THSD7A: variants seen among roughly 807,000 people sequenced by gnomAD.
THSD7A encodes the protein thrombospondin type 1 domain containing 7A.
THSD7A carries 96 observed loss-of-function variants against 231.3 expected under a neutral mutation model. The ratio of observed to expected loss-of-function variants is 0.41; its 90% CI spans 0.35 to 0.49. THSD7A has a LOEUF of 0.49. THSD7A is among the 20% of genes least tolerant of loss of function. The pLI is 0.05. For missense variants in THSD7A, 2,290 were observed against 2,070.2 expected (o/e 1.11, Z -2.06); for synonymous variants, 940 against 743.3 (o/e 1.26, Z -4.30).
At chr7:11,539,160 C>T (rs1252874030) in intron 6 of THSD7A, among the ~76,000 whole-genome samples, 1 of 152,122 alleles carries the variant, frequency 6.6e-6, no homozygotes, top group Non-Finnish European at 1.5e-5. Flanking sequence ...GGTGCAGCTG[C>T]TAAACACTTA....
chr7:11,636,293 G>T lies in THSD7A; in HGVS notation c.859C>A (p.Arg287Ser). The T allele has an allele frequency of 2.5e-6, 4 of 1,613,748 alleles. No individual in the cohort carries two copies. The highest frequency in any genetic ancestry group is 2.7e-5 in the African/African-American group (2 of 74,964). Residue 287 changes from arginine (R) to serine (S), a missense_variant, in exon 2 of 28, where the codon CGC (arginine) becomes AGC (serine). Arg to Ser is a moderately radical substitution (Grantham distance 110). Coordinates refer to ENST00000423059, the MANE Select transcript of THSD7A (RefSeq NM_015204.3). The surrounding 1 kb of genome is among the most constrained non-coding windows in gnomAD (Gnocchi z 10.0). ...RGKNKEREKD[R>S]SKGVKDPEAR... ...TCTGGATCCTTTACTCCTTTGCTGCGGTCCTTTTCCCGTTCTTTATTCTTC... is the reference window on the plus strand; with the variant it reads ...TCTGGATCCTTTACTCCTTTGCTGCTGTCCTTTTCCCGTTCTTTATTCTTC...
chr7:11,677,829 T>C (rs1363613600), intron 1 of THSD7A, among the ~76,000 whole-genome samples: 3 of 151,998 alleles, frequency 2.0e-5, no homozygotes, highest in Non-Finnish European at 4.4e-5. Flanking sequence ...TGAACTCAGC[T>C]CTGGACCAAG....
At chr7:11,682,464 A>G (rs959859154) in intron 1 of THSD7A, among the ~76,000 whole-genome samples, 5 of 152,166 alleles carry the variant, frequency 3.3e-5, no homozygotes, top group African/African-American at 1.2e-4. Flanking sequence ...CCTGTATCAG[A>G]TAAAACAGTC....
At chr7:11,424,938 C>A (rs1204604798) in intron 15 of THSD7A, 109 bp from the exon 16 acceptor site, 16 of 1,298,334 alleles carry the variant, frequency 1.2e-5, no homozygotes, top group Non-Finnish European at 5.4e-6. Context: ...TTTCACTCCC[C>A]TCCTTTACTG....
Position 11,831,728 on chromosome 7 carries a change from T to TG in THSD7A, c.190+28dup. ...CTTAATGTGGCCCCAGATGTGAAGA[T>TG]GGGGAAAGGGTAACTCCGTCCCACT... On this transcript the variant is annotated intron_variant, in intron 1 of 27. Coordinates refer to ENST00000423059, the MANE Select transcript of THSD7A (RefSeq NM_015204.3). The surrounding 1 kb of genome is among the most constrained non-coding windows in gnomAD (Gnocchi z 5.0). 1 of 1,373,944 alleles carries TG rather than the reference T, an allele frequency of 7.3e-7. No homozygotes were observed. Among genetic ancestry groups the TG allele is most frequent in the Non-Finnish European group, 9.5e-7 (1 of 1,055,914 alleles). The allele number at this position is 1,373,944 out of a possible 1,614,324, so 85.1% of individuals were successfully genotyped here. A position where few individuals can be genotyped will look rare whatever the true frequency, so the allele number is the denominator to read the frequency against.
At position 11,388,162 on chromosome 7, in the gene THSD7A, C is replaced by CT. The variant is rs924375268; in HGVS notation, c.4412-5547dup. Among the ~76,000 whole-genome samples, 135 of 142,494 alleles carry CT rather than the reference C, an allele frequency of 9.5e-4. 1 individual carries two copies. Among genetic ancestry groups the CT allele is most frequent in the East Asian group, 3.9e-3 (19 of 4,886 alleles). 93.5% of individuals were successfully genotyped at this position (142,494 alleles called of 152,430 possible). A position where few individuals can be genotyped will look rare whatever the true frequency, so the allele number is the denominator to read the frequency against. On this transcript the variant is annotated intron_variant, in intron 23 of 27. Transcript: ENST00000423059. ...ATCAGGGATATTGGCCTGAAATTTTCTTTTTTTTTTTGTTGTGTCTTGGTA... is the reference window on the plus strand; with the variant it reads ...ATCAGGGATATTGGCCTGAAATTTTCTTTTTTTTTTTTGTTGTGTCTTGGTA...
chr7:11,761,647 T>C (rs185988275), intron 1 of THSD7A, among the ~76,000 whole-genome samples: 97 of 152,298 alleles, frequency 6.4e-4, no homozygotes, highest in Middle Eastern at 6.8e-3. Flanking sequence ...TGCAAATACC[T>C]TCCAAGTGAC....
At chr7:11,778,499 T>C (rs533287586) in intron 1 of THSD7A, among the ~76,000 whole-genome samples, 3 of 152,284 alleles carry the variant, frequency 2.0e-5, no homozygotes, top group African/African-American at 7.2e-5. Flanking sequence ...TAGTCTCTAG[T>C]TTTTGAAATC....
At chr7:11,473,870 C>T (rs866485976) in intron 8 of THSD7A, among the ~76,000 whole-genome samples, 7 of 152,000 alleles carry the variant, frequency 4.6e-5, no homozygotes, top group South Asian at 4.1e-4. Context: ...AAGTATGCTT[C>T]GGTATTTTTG....
At position 11,737,006 on chromosome 7, in the gene THSD7A, C is replaced by T. The variant is rs115383891; in HGVS notation, c.190+94751G>A. Among the ~76,000 whole-genome samples, 1,175 of 152,088 alleles carry T rather than the reference C, an allele frequency of 7.7e-3. 20 individuals are homozygous for T. The highest frequency in any genetic ancestry group is 0.026 in the African/African-American group (1,099 of 41,532). ...CTCATTCTTCTCTCTTCTGCTGCCA[C>T]GTGAAGAAGGACATGTTTGCTTTCC... On this transcript the variant is annotated intron_variant, in intron 1 of 27. Transcript: ENST00000423059.
chr7:11,508,154 G>C (rs1234024727), intron 6 of THSD7A, among the ~76,000 whole-genome samples: 2 of 152,110 alleles, frequency 1.3e-5, no homozygotes, highest in Non-Finnish European at 2.9e-5. Context: ...CTCCCACCAG[G>C]TCCCTCCCTG....
chr7:11,410,705 T>C (rs184837015), intron 19 of THSD7A, among the ~76,000 whole-genome samples: 4 of 152,240 alleles, frequency 2.6e-5, no homozygotes, highest in Non-Finnish European at 5.9e-5. Context: ...ATGGCTGACT[T>C]CATTCCTCTG....
chr7:11,449,801 G>T (rs914423791), intron 11 of THSD7A, among the ~76,000 whole-genome samples: 4 of 151,906 alleles, frequency 2.6e-5, no homozygotes, highest in Non-Finnish European at 5.9e-5. Context: ...ATGGTTCATG[G>T]ACAAAGTTGC....
At chr7:11,506,947 T>A (rs1457788699) in intron 6 of THSD7A, among the ~76,000 whole-genome samples, 1 of 152,220 alleles carries the variant, frequency 6.6e-6, no homozygotes, top group Admixed American at 6.5e-5. Flanking sequence ...TGTGTGTTTA[T>A]TTTCTGTCTC....
chr7:11,375,476 G>A lies in THSD7A; in HGVS notation c.*318C>T. The stretch of plus-strand genomic sequence containing the variant: ...GGTCTTGTATCAGGCATCCTAACTG[G>A]CCAATTCCACCATTATTTTTTAGAG... On this transcript the variant is annotated 3_prime_UTR_variant, in exon 28 of 28. Transcript: ENST00000423059. 4.7e-6 allele frequency: 1 copy of A among 213,596 alleles called. No homozygotes were observed. The highest frequency in any genetic ancestry group is 9.3e-6 in the Non-Finnish European group (1 of 107,820). The allele number at this position is 213,596 out of a possible 1,614,324, so 13.2% of individuals were successfully genotyped here.
intron 1 of THSD7A, among the ~76,000 whole-genome samples, chr7:11,705,817 C>A (rs1031708347): frequency 3.3e-5 from 5 of 150,896 alleles, no homozygotes; most frequent in Admixed American, 2.0e-4. Context: ...TTCAAAAATT[C>A]TATTTTCCAT....
At chr7:11,553,030 C>G (rs1055745410) in intron 4 of THSD7A, among the ~76,000 whole-genome samples, 2 of 152,000 alleles carry the variant, frequency 1.3e-5, no homozygotes, top group African/African-American at 2.4e-5. Context: ...AATCTCCACT[C>G]CAAAACTCTG....
rs1784624817 is a variant in THSD7A at position 11,814,609 on chromosome 7, C to T, written c.190+17148G>A. On this transcript the variant is annotated intron_variant, in intron 1 of 27. Coordinates refer to ENST00000423059, the MANE Select transcript of THSD7A (RefSeq NM_015204.3). This position sits in a 1 kb window ranked among gnomAD's most constrained non-coding sequence, Gnocchi z 5.1. ...TCTGCTTCATAGTATTTATTCTCTT[C>T]TTGTGGAACTTGCACAGCTGAAGCA... Among the ~76,000 whole-genome samples, 1 of 152,128 alleles carries T rather than the reference C, an allele frequency of 6.6e-6. No individual in the cohort carries two copies. Among genetic ancestry groups the T allele is most frequent in the Admixed American group, 6.6e-5 (1 of 15,262 alleles).
Position 11,406,493 on chromosome 7 carries a change from T to C in THSD7A, c.4063-19A>G, listed in dbSNP as rs1783586995. Reference sequence around the variant, plus strand: ...GGGCCTCCTGGAATGGAGGAAGAAATAACTAATTAGAAAAAGAGAAATACT... The same window carrying C: ...GGGCCTCCTGGAATGGAGGAAGAAACAACTAATTAGAAAAAGAGAAATACT... On this transcript the variant is annotated intron_variant, in intron 21 of 27. Coordinates refer to ENST00000423059, the MANE Select transcript of THSD7A (RefSeq NM_015204.3). The surrounding 1 kb of genome is among the most constrained non-coding windows in gnomAD (Gnocchi z 4.7). 1.3e-6 allele frequency: 2 copies of C among 1,591,126 alleles called. No homozygotes were observed. Among genetic ancestry groups the C allele is most frequent in the Non-Finnish European group, 1.7e-6 (2 of 1,170,544 alleles).
Sources: allele counts gnomAD v4.1 joint callset (sites outside exome capture counted in the v4.1 genomes callset), GRCh38; gene constraint gnomAD v4.1.1; non-coding constraint Gnocchi (gnomAD v3.1); transcripts MANE v1.5; gene names NCBI Gene and HGNC (gene_info 2026-07-23, HGNC 2026-07-21).